The following STK32B variants were observed in gnomAD, a reference collection of about 807,000 sequenced individuals.
STK32B encodes the protein serine/threonine-protein kinase 32B.
In STK32B, 43 loss-of-function variants were observed where a neutral mutation model predicts 52.6. That is an observed-to-expected ratio of 0.82 (90% CI 0.64 to 1.05). The LOEUF is 1.05. Among genes scored for constraint, STK32B ranks in the 50% least tolerant of loss-of-function variants. STK32B has a pLI of 0.00. For synonymous variants in STK32B, 238 were observed against 204.3 expected, an observed-to-expected ratio of 1.17 and a Z score of -1.41; for missense variants, 621 against 534.6, an observed-to-expected ratio of 1.16 and a Z score of -1.59.
chr4:5,387,194 C>T (rs542929921), intron 4 of STK32B, among the ~76,000 whole-genome samples: 37 of 152,332 alleles, frequency 2.4e-4, no homozygotes, highest in African/African-American at 8.2e-4. Context: ...CAGGACCTGA[C>T]GCTGATTGGC....
At chr4:5,270,961 G>A (rs1727386473) in intron 3 of STK32B, among the ~76,000 whole-genome samples, 1 of 147,152 alleles carries the variant, frequency 6.8e-6, no homozygotes, top group East Asian at 2.2e-4. Context: ...CCCGCCCAGA[G>A]ACAGAGTGCT....
intron 3 of STK32B, among the ~76,000 whole-genome samples, chr4:5,170,813 G>T (rs1424709957): frequency 2.0e-5 from 3 of 152,118 alleles, no homozygotes; most frequent in Non-Finnish European, 4.4e-5. Context: ...ATAATCCTTT[G>T]GGTATATACC....
chr4:5,165,472 C>T (rs944849970), intron 2 of STK32B, among the ~76,000 whole-genome samples: 7 of 152,146 alleles, frequency 4.6e-5, no homozygotes, highest in Admixed American at 2.6e-4. Flanking sequence ...GACGCAGCCC[C>T]GGGGACGCTA....
intron 3 of STK32B, among the ~76,000 whole-genome samples, chr4:5,305,833 G>A (rs977104359): frequency 5.3e-5 from 8 of 152,028 alleles, no homozygotes; most frequent in African/African-American, 1.7e-4. Context: ...TTTGATGTAG[G>A]CATTTAATGC....
In STK32B at chr4:5,455,754, GC is replaced by G. The variant is rs935161091; in HGVS notation, c.667-1049del. Among the ~76,000 whole-genome samples, 16 of 152,124 alleles carry G rather than the reference GC, an allele frequency of 1.1e-4. 1 individual carries two copies. The highest frequency in any genetic ancestry group is 9.8e-4 in the Admixed American group (15 of 15,272). On this transcript the variant is annotated intron_variant, in intron 7 of 11. Transcript: ENST00000282908. ...CTGCTCGATGACAGACACTACTGGG[GC>G]CCCGAGAACACAGAAATGAGCGTGG...
intron 6 of STK32B, among the ~76,000 whole-genome samples, 160 bp from the exon 7 acceptor site, chr4:5,446,513 C>T (rs80165405): frequency 3.3e-4 from 50 of 151,050 alleles, no homozygotes; most frequent in East Asian, 1.4e-3. Flanking sequence ...GCCGACATTG[C>T]GCCATTATGT....
chr4:5,105,646 C>T (rs1344052280), intron 1 of STK32B, among the ~76,000 whole-genome samples: 1 of 152,012 alleles, frequency 6.6e-6, no homozygotes, highest in Admixed American at 6.5e-5. Context: ...TCACTGCAAG[C>T]TCCGCCTCCC....
In STK32B at chr4:5,465,265, A is replaced by G. The variant is rs571286291; in HGVS notation, c.910-1438A>G. On this transcript the variant is annotated intron_variant, in intron 9 of 11. Coordinates refer to ENST00000282908, the MANE Select transcript of STK32B (RefSeq NM_018401.3). ...CTAGGAGCTTTTCTTGCATTTTCTC[A>G]TGTCAGCCTCACAGACTTGCACTAG... 3.9e-5 allele frequency among the ~76,000 whole-genome samples: 6 copies of G among 152,240 alleles called. No individual in the cohort carries two copies. The South Asian group carries it at 6.2e-4, about 16-fold the overall frequency.
chr4:5,478,847 A>C (rs1471835059), intron 11 of STK32B, among the ~76,000 whole-genome samples: 1 of 152,178 alleles, frequency 6.6e-6, no homozygotes, highest in Admixed American at 6.5e-5. Flanking sequence ...CCCAGGCGGC[A>C]GTGCAGGGAG....
chr4:5,166,144 G>A (rs1718851380), intron 2 of STK32B, among the ~76,000 whole-genome samples: 1 of 152,100 alleles, frequency 6.6e-6, no homozygotes, highest in African/African-American at 2.4e-5. Context: ...CAGAAGAGAG[G>A]CTGTGACACC....
intron 1 of STK32B, among the ~76,000 whole-genome samples, chr4:5,135,447 T>A (rs1049512039): frequency 3.9e-5 from 6 of 152,200 alleles, no homozygotes; most frequent in African/African-American, 1.4e-4. Flanking sequence ...GGGCTGGAAA[T>A]TTAACAATAA....
chr4:5,229,389 C>G (rs796619614), intron 3 of STK32B, among the ~76,000 whole-genome samples: 11 of 152,180 alleles, frequency 7.2e-5, no homozygotes, highest in African/African-American at 2.4e-4. Flanking sequence ...GCATTGGTAC[C>G]TCTTAAATCT....
At chr4:5,280,708 A>G (rs1439686825) in intron 3 of STK32B, among the ~76,000 whole-genome samples, 1 of 152,146 alleles carries the variant, frequency 6.6e-6, no homozygotes, top group Non-Finnish European at 1.5e-5. Context: ...CAGCCTGGCC[A>G]ACATGGTAAA....
intron 11 of STK32B, among the ~76,000 whole-genome samples, chr4:5,472,462 T>A (rs1717918543): frequency 6.6e-6 from 1 of 152,244 alleles, no homozygotes; most frequent in South Asian, 2.1e-4. Flanking sequence ...GAGCATCTGC[T>A]TCCAGGGCTG....
chr4:5,427,597 C>G (rs116222806), intron 6 of STK32B, among the ~76,000 whole-genome samples: 72 of 152,300 alleles, frequency 4.7e-4, no homozygotes, highest in African/African-American at 1.4e-3. Context: ...TCTATTTCTT[C>G]AAGAACTAAG....
In STK32B at chr4:5,483,219, G is replaced by T. The variant is rs555121195; in HGVS notation, c.1106+15149G>T. 4.7e-3 allele frequency among the ~76,000 whole-genome samples: 695 copies of T among 147,902 alleles called. 3 individuals are homozygous for T. The highest frequency in any genetic ancestry group is 0.017 in the African/African-American group (644 of 37,468). ...TTGGCTGTGAATCCATCTGGTCCTG[G>T]ACTCTTTTTGGTTGGTAAGCTATTG... On this transcript the variant is annotated intron_variant, in intron 11 of 11. Coordinates refer to ENST00000282908, the MANE Select transcript of STK32B (RefSeq NM_018401.3).
intron 6 of STK32B, 108 bp from the exon 7 acceptor site, chr4:5,446,565 A>C: frequency 7.2e-5 from 69 of 953,828 alleles, no homozygotes; most frequent in Non-Finnish European, 9.0e-5. Context: ...TCAAAAAAAA[A>C]CAAAAAAAAA....
At position 5,467,942 on chromosome 4, in the gene STK32B, T is replaced by TCCATTACC. The variant is rs1318615312; in HGVS notation, c.1042-63_1042-56dup. On this transcript the variant is annotated intron_variant, in intron 10 of 11. Coordinates refer to ENST00000282908, the MANE Select transcript of STK32B (RefSeq NM_018401.3). The surrounding 1 kb of genome is among the most constrained non-coding windows in gnomAD (Gnocchi z 5.8). ...AGGTCAGTCTGCCGTCCTGTGATGCTCCATTACCGCGCGTCCCCGGACCGT... is the reference window on the plus strand; with the variant it reads ...AGGTCAGTCTGCCGTCCTGTGATGCTCCATTACCCCATTACCGCGCGTCCCCGGACCGT... The TCCATTACC allele has an allele frequency of 1.3e-6, 2 of 1,577,956 alleles. No individual in the cohort carries two copies. The highest frequency in any genetic ancestry group is 1.7e-6 in the Non-Finnish European group (2 of 1,148,148).
Position 5,460,424 on chromosome 4 carries a change from T to C in STK32B, c.909+196T>C, listed in dbSNP as rs1716941917. ...GGTCCCAGCCGTACAGCTTCCCTCCTTGTGGTAGGTCCTTTGGGGGTGCCA... is the reference window on the plus strand; with the variant it reads ...GGTCCCAGCCGTACAGCTTCCCTCCCTGTGGTAGGTCCTTTGGGGGTGCCA... On this transcript the variant is annotated intron_variant, in intron 9 of 11. Transcript: ENST00000282908. The surrounding 1 kb of genome is among the most constrained non-coding windows in gnomAD (Gnocchi z 4.8). Among the ~76,000 whole-genome samples, 1 of 152,182 alleles carries C rather than the reference T, an allele frequency of 6.6e-6. No homozygotes were observed. Among genetic ancestry groups the C allele is most frequent in the Admixed American group, 6.5e-5 (1 of 15,286 alleles).
Sources: allele counts gnomAD v4.1 joint callset (sites outside exome capture counted in the v4.1 genomes callset), GRCh38; gene constraint gnomAD v4.1.1; non-coding constraint Gnocchi (gnomAD v3.1); transcripts MANE v1.5; gene names NCBI Gene and HGNC (gene_info 2026-07-23, HGNC 2026-07-21).